The following TNFAIP8 variants were observed in gnomAD, a reference collection of about 807,000 sequenced individuals.
TNFAIP8 encodes TNF alpha induced protein 8.
Under a neutral mutation model 13.3 loss-of-function variants are expected in TNFAIP8, and 7 were observed. The ratio of observed to expected loss-of-function variants is 0.52; its 90% confidence interval spans 0.30 to 0.99. The LOEUF (loss-of-function observed/expected upper bound fraction) is 0.99, where lower values mean the gene tolerates loss of function less well. Among genes scored for constraint, TNFAIP8 ranks in the 50% least tolerant of loss-of-function variants. TNFAIP8 has a pLI of 0.07. For missense variants in TNFAIP8, 258 were observed against 236.9 expected (o/e 1.09, Z -0.58); for synonymous variants, 94 against 87.6 (o/e 1.07, Z -0.41).
intron 1 of TNFAIP8, among the ~76,000 whole-genome samples, chr5:119,294,086 T>C (rs1203956798): frequency 1.3e-5 from 2 of 152,152 alleles, no homozygotes; most frequent in African/African-American, 2.4e-5. Flanking sequence ...AGGGTACATG[T>C]GCACAGTGTG....
chr5:119,380,814 CT>C (rs2112838434), intron 1 of TNFAIP8, among the ~76,000 whole-genome samples: 1 of 152,206 alleles, frequency 6.6e-6, no homozygotes, highest in Non-Finnish European at 1.5e-5. Flanking sequence ...TTTCTATTCT[CT>C]TGGATACTTT....
Position 119,371,529 on chromosome 5 carries a change from G to A in TNFAIP8, c.31+15408G>A, listed in dbSNP as rs954418894. Among the ~76,000 whole-genome samples, 5 of 152,244 alleles carry A rather than the reference G, an allele frequency of 3.3e-5. 1 individual carries two copies. Among genetic ancestry groups the A allele is most frequent in the Admixed American group, 3.3e-4 (5 of 15,286 alleles). On this transcript the variant is annotated intron_variant, in intron 1 of 1. Coordinates refer to ENST00000504771, the MANE Select transcript of TNFAIP8 (RefSeq NM_014350.4). Reference sequence around the variant, plus strand: ...GATGGCATAAATTAAACAATTAACAGGATACTAGTTCAAGGGGAAACTCTC... The same window carrying A: ...GATGGCATAAATTAAACAATTAACAAGATACTAGTTCAAGGGGAAACTCTC...
intron 1 of TNFAIP8, among the ~76,000 whole-genome samples, chr5:119,331,628 C>G (rs1368027094): frequency 3.3e-5 from 5 of 152,142 alleles, no homozygotes; most frequent in Non-Finnish European, 7.4e-5. Context: ...GCTGGTGCCT[C>G]CCCGACTGGG....
At chr5:119,373,642 G>A (rs73241292) in intron 1 of TNFAIP8, among the ~76,000 whole-genome samples, 59 of 152,304 alleles carry the variant, frequency 3.9e-4, no homozygotes, top group African/African-American at 1.3e-3. Flanking sequence ...CTGTTGAGAC[G>A]GAAGGGATTG....
rs553829493 is a variant in TNFAIP8, at chr5:119,323,399, A to G, written c.1+54492A>G. Reference sequence around the variant, plus strand: ...CACATTCCCACCCCACCCTGCATACATACACATCTCTGGCCACTTGTTTGT... The same window carrying G: ...CACATTCCCACCCCACCCTGCATACGTACACATCTCTGGCCACTTGTTTGT... On this transcript the variant is annotated intron_variant, in intron 1 of 1. Transcript: ENST00000274456. Among the ~76,000 whole-genome samples the G allele has an allele frequency of 4.6e-5, 7 of 152,242 alleles. No individual in the cohort carries two copies. The South Asian group carries it at 1.5e-3, about 32-fold the overall frequency.
At chr5:119,388,011 C>G (rs186786261) in intron 1 of TNFAIP8, among the ~76,000 whole-genome samples, 11 of 152,290 alleles carry the variant, frequency 7.2e-5, no homozygotes, top group African/African-American at 1.4e-4. Context: ...GGGAACATCT[C>G]CTGTTTACAT....
At chr5:119,339,658 C>A (rs1448412785) in intron 1 of TNFAIP8, among the ~76,000 whole-genome samples, 2 of 151,936 alleles carry the variant, frequency 1.3e-5, no homozygotes, top group Non-Finnish European at 2.9e-5. Context: ...GTCGATAAAG[C>A]ATCACCAAGG....
intron 1 of TNFAIP8, among the ~76,000 whole-genome samples, chr5:119,335,523 A>G (rs551186075): frequency 6.6e-6 from 1 of 152,088 alleles, no homozygotes; most frequent in African/African-American, 2.4e-5. Flanking sequence ...TGTTTTTGTC[A>G]TGTGGTTACA....
intron 1 of TNFAIP8, 141 bp downstream of exon 1, chr5:119,356,262 A>T: frequency 2.8e-6 from 2 of 703,810 alleles, no homozygotes; most frequent in Non-Finnish European, 4.5e-6. Context: ...GCCAAGTCGG[A>T]GCTGGATAAG....
intron 1 of TNFAIP8, among the ~76,000 whole-genome samples, chr5:119,304,099 C>G (rs1749479781): frequency 6.6e-6 from 1 of 151,964 alleles, no homozygotes; most frequent in Admixed American, 6.6e-5. Flanking sequence ...TTCTTTTTTC[C>G]TTTTTTTCAA....
At position 119,395,337 on chromosome 5, in the gene TNFAIP8, C is replaced by G. The variant is rs1753048246; in HGVS notation, c.*1956C>G. The G allele has an allele frequency of 6.6e-6, 1 of 152,240 alleles. No homozygotes were observed. The highest frequency in any genetic ancestry group is 1.5e-5 in the Non-Finnish European group (1 of 68,094). 9.4% of individuals were successfully genotyped at this position (152,240 alleles called of 1,614,324 possible). A position where few individuals can be genotyped will look rare whatever the true frequency, so the allele number is the denominator to read the frequency against. ...CTGAGAATGTGATGGGGGGTGTGAG[C>G]TACTGACTGGATGTGTTCTGTTCTC... On this transcript the variant is annotated 3_prime_UTR_variant, in exon 2 of 2. Transcript: ENST00000504771.
At chr5:119,309,909 GCTT>G (rs761880014) in intron 1 of TNFAIP8, among the ~76,000 whole-genome samples, 39 of 152,280 alleles carry the variant, frequency 2.6e-4, no homozygotes, top group Middle Eastern at 3.4e-3. Context: ...CAAGTCATTT[GCTT>G]CTTTAAGCCA....
At position 119,393,074 on chromosome 5, in the gene TNFAIP8, C is replaced by A; in HGVS notation, c.290C>A (p.Ala97Glu). ...AATCAGTTTAATCAAGATGAGCTAG[C>A]ATTGATGGAGAAATTTAAGAAGAAA... ...RNNQFNQDEL[A>E]LMEKFKKKVH... The change falls in exon 2 of 2, where the codon GCA becomes GAA. Residue 97 changes from alanine (A) to glutamate (E), a missense_variant. Transcript: ENST00000504771. The A allele has an allele frequency of 6.2e-7, 1 of 1,613,826 alleles. No homozygotes were observed. Among genetic ancestry groups the A allele is most frequent in the African/African-American group, 1.3e-5 (1 of 75,046 alleles).
chr5:119,327,014 G>A (rs1263430678), intron 1 of TNFAIP8, among the ~76,000 whole-genome samples: 7 of 152,162 alleles, frequency 4.6e-5, no homozygotes, highest in Non-Finnish European at 2.9e-5. Context: ...AGAAGATAGA[G>A]GAGACAGAAG....
intron 1 of TNFAIP8, among the ~76,000 whole-genome samples, chr5:119,360,676 G>T (rs1356513129): frequency 6.6e-6 from 1 of 152,106 alleles, no homozygotes; most frequent in Non-Finnish European, 1.5e-5. Context: ...TGTTCTGCAA[G>T]CAAGGATTTT....
rs762513831 is a variant in TNFAIP8 at position 119,393,265 on chromosome 5, C to T, written c.481C>T (p.His161Tyr). ...TGGACGGGTTAATAATGTGTTTGAT[C>T]ATTTTTCAGATTGTGAATTTTTGGC... The part of the protein sequence containing the change: ...SHGRVNNVFD[H>Y]FSDCEFLAAL... The change falls in exon 2 of 2, where the codon CAT becomes TAT. Residue 161 changes from histidine (H) to tyrosine (Y), a missense_variant. By Grantham distance (83) the His-to-Tyr change is moderately conservative (BLOSUM62 2). Transcript: ENST00000504771. The T allele has an allele frequency of 6.2e-7, 1 of 1,613,984 alleles. No individual in the cohort carries two copies. Among genetic ancestry groups the T allele is most frequent in the South Asian group, 1.1e-5 (1 of 91,088 alleles).
intron 1 of TNFAIP8, among the ~76,000 whole-genome samples, chr5:119,388,327 T>A (rs1752756391): frequency 6.6e-6 from 1 of 152,350 alleles, no homozygotes; most frequent in East Asian, 1.9e-4. Flanking sequence ...TTTCTACCTT[T>A]TAATACAACA....
At chr5:119,320,755 A>G (rs1750029827) in intron 1 of TNFAIP8, among the ~76,000 whole-genome samples, 1 of 145,088 alleles carries the variant, frequency 6.9e-6, no homozygotes, top group Non-Finnish European at 1.5e-5. Flanking sequence ...CTTCCAGGGC[A>G]TCACATCCCC....
chr5:119,322,932 C>G (rs1046741007), intron 1 of TNFAIP8, among the ~76,000 whole-genome samples: 7 of 152,202 alleles, frequency 4.6e-5, no homozygotes, highest in African/African-American at 1.4e-4. Context: ...GTGAAGAAAG[C>G]TGAACTTGCC....
Sources: allele counts gnomAD v4.1 joint callset (sites outside exome capture counted in the v4.1 genomes callset), GRCh38; gene constraint gnomAD v4.1.1; transcripts MANE v1.5; gene names NCBI Gene and HGNC (gene_info 2026-07-23, HGNC 2026-07-21).